The following SPECC1 variants were observed in gnomAD, a reference collection of about 807,000 sequenced individuals.
SPECC1 encodes cytospin-B.
In SPECC1, 62 loss-of-function variants were observed where a neutral mutation model predicts 104.1. The observed-to-expected ratio is 0.60, with a 90% CI of 0.49 to 0.74. The LOEUF (loss-of-function observed/expected upper bound fraction) is 0.74, where lower values mean the gene tolerates loss of function less well. Among genes scored for constraint, SPECC1 ranks in the 30% least tolerant of loss-of-function variants. The pLI is 0.00. For missense variants in SPECC1, 1,306 were observed against 1,310.5 expected (o/e 1.00, Z 0.05); for synonymous variants, 513 against 501.6 (o/e 1.02, Z -0.30).
chr17:20,124,902 C>T (rs546687518), intron 3 of SPECC1, among the ~76,000 whole-genome samples: 1 of 152,176 alleles, frequency 6.6e-6, no homozygotes, highest in Non-Finnish European at 1.5e-5. Flanking sequence ...AATTGCAGGC[C>T]AGGCGCGGTG....
chr17:20,079,513 C>T (rs1318037421), intron 1 of SPECC1, among the ~76,000 whole-genome samples: 3 of 150,496 alleles, frequency 2.0e-5, no homozygotes, highest in African/African-American at 7.3e-5. Flanking sequence ...TGTTCTTGAA[C>T]TTGTGGGTTC....
At chr17:20,283,405 A>G (rs752612954) in intron 12 of SPECC1, among the ~76,000 whole-genome samples, 4 of 152,350 alleles carry the variant, frequency 2.6e-5, no homozygotes, top group Admixed American at 1.3e-4. Flanking sequence ...GTGGATTACA[A>G]TAACATCTTC....
At chr17:20,220,261 G>T (rs2037789051) in intron 4 of SPECC1, among the ~76,000 whole-genome samples, 1 of 152,100 alleles carries the variant, frequency 6.6e-6, no homozygotes, top group African/African-American at 2.4e-5. Context: ...ATTGCTTTGG[G>T]TAGTGTGGAC....
intron 12 of SPECC1, among the ~76,000 whole-genome samples, chr17:20,272,320 A>G (rs780333567): frequency 7.3e-6 from 1 of 137,928 alleles, no homozygotes; most frequent in Non-Finnish European, 1.5e-5. Context: ...TCCAAATTCT[A>G]TTAAATGCTT....
intron 1 of SPECC1, among the ~76,000 whole-genome samples, chr17:20,065,439 G>C (rs982700929): frequency 3.9e-5 from 6 of 152,178 alleles, no homozygotes; most frequent in African/African-American, 1.4e-4. Context: ...AAAACTCAGG[G>C]CAACACTAAC....
At chr17:20,121,080 G>A (rs1322965424) in intron 3 of SPECC1, among the ~76,000 whole-genome samples, 1 of 152,082 alleles carries the variant, frequency 6.6e-6, no homozygotes, top group Admixed American at 6.5e-5. Flanking sequence ...CAAGAACACA[G>A]CAAAAATCAC....
intron 12 of SPECC1, among the ~76,000 whole-genome samples, chr17:20,280,380 C>T (rs969069230): frequency 6.6e-6 from 1 of 152,216 alleles, no homozygotes; most frequent in East Asian, 1.9e-4. Context: ...CAGAGTCACA[C>T]CCTAGTAAGG....
At chr17:20,252,126 A>G (rs2039654974) in intron 9 of SPECC1, among the ~76,000 whole-genome samples, 1 of 152,214 alleles carries the variant, frequency 6.6e-6, no homozygotes, top group Non-Finnish European at 1.5e-5. Flanking sequence ...CTTGAATAAT[A>G]TCATGCTTAC....
intron 3 of SPECC1, among the ~76,000 whole-genome samples, chr17:20,136,114 A>G (rs981794458): frequency 2.6e-5 from 4 of 152,058 alleles, no homozygotes; most frequent in African/African-American, 9.7e-5. Context: ...GGGGATCACT[A>G]TGTCTCCTTG....
intron 3 of SPECC1, among the ~76,000 whole-genome samples, chr17:20,158,396 G>A (rs1388601984): frequency 6.6e-6 from 1 of 152,226 alleles, no homozygotes; most frequent in African/African-American, 2.4e-5. Context: ...CAGAATTAGA[G>A]GAGTTCGAGA....
At chr17:20,063,664 T>G (rs1207064482) in intron 1 of SPECC1, among the ~76,000 whole-genome samples, 2 of 152,152 alleles carry the variant, frequency 1.3e-5, no homozygotes, top group Non-Finnish European at 2.9e-5. Context: ...TTGGCATCAT[T>G]CTCCTTCACC....
intron 3 of SPECC1, chr17:20,156,186 G>A (rs1438007321): frequency 2.8e-6 from 4 of 1,447,814 alleles, no homozygotes; most frequent in South Asian, 1.4e-5. Flanking sequence ...TGGTGCCCGA[G>A]TCGGCCAAGC....
intron 1 of SPECC1, among the ~76,000 whole-genome samples, chr17:20,090,736 G>A (rs2047369646): frequency 6.6e-6 from 1 of 152,198 alleles, no homozygotes; most frequent in Admixed American, 6.5e-5. Flanking sequence ...TTGGGATGCT[G>A]GTTGCTTGAG....
intron 1 of SPECC1, among the ~76,000 whole-genome samples, chr17:20,022,476 C>G (rs1457103705): frequency 6.6e-6 from 1 of 152,166 alleles, no homozygotes; most frequent in African/African-American, 2.4e-5. Flanking sequence ...TGGTTGGTAT[C>G]TGTGTTGGAT....
At chr17:20,272,368 A>G (rs187687976) in intron 12 of SPECC1, among the ~76,000 whole-genome samples, 3 of 151,058 alleles carry the variant, frequency 2.0e-5, no homozygotes, top group African/African-American at 4.9e-5. Flanking sequence ...CATCATTTCA[A>G]TTGTTTTTTA....
rs71157863 is a variant in SPECC1, at chr17:20,270,433, C to CAAAAA, written c.2940+10169_2940+10173dup. Among the ~76,000 whole-genome samples the CAAAAA allele has an allele frequency of 1.1e-3, 48 of 43,574 alleles. 5 individuals carry two copies. Among genetic ancestry groups the CAAAAA allele is most frequent in the African/African-American group, 1.3e-3 (14 of 10,574 alleles). 28.6% of individuals were successfully genotyped at this position (43,574 alleles called of 152,430 possible). On this transcript the variant is annotated intron_variant, in intron 12 of 14. Transcript: ENST00000395527. ...CAACATAGCAAGGCCCTGTCTTTAC[C>CAAAAA]AAAAAAAAAAAAAAAAAAAAAAAAA... is the stretch of plus-strand genomic sequence containing the variant.
intron 3 of SPECC1, among the ~76,000 whole-genome samples, chr17:20,170,889 T>C (rs2034037036): frequency 1.3e-5 from 2 of 152,174 alleles, no homozygotes; most frequent in Admixed American, 1.3e-4. Context: ...TCCAAAGCCC[T>C]TGAAAATCCC....
intron 12 of SPECC1, among the ~76,000 whole-genome samples, chr17:20,295,774 T>C (rs1283000859): frequency 2.0e-5 from 3 of 152,254 alleles, no homozygotes; most frequent in Non-Finnish European, 4.4e-5. Context: ...TGGCCAGTGA[T>C]GATGAGCATT....
At chr17:20,035,939 T>C (rs1246194655) in intron 1 of SPECC1, among the ~76,000 whole-genome samples, 2 of 151,602 alleles carry the variant, frequency 1.3e-5, no homozygotes, top group Non-Finnish European at 2.9e-5. Flanking sequence ...TTCTCCTGCC[T>C]CAGCCTCCTG....
Sources: allele counts gnomAD v4.1 joint callset (sites outside exome capture counted in the v4.1 genomes callset), GRCh38; gene constraint gnomAD v4.1.1; transcripts MANE v1.5; gene names NCBI Gene and HGNC (gene_info 2026-07-23, HGNC 2026-07-21).